The following BRDT variants were observed in gnomAD, a reference collection of about 807,000 sequenced individuals.
The protein encoded by BRDT is bromodomain testis-specific protein.
BRDT carries 77 observed loss-of-function variants against 113.9 expected under a neutral mutation model. That is an observed-to-expected ratio of 0.68 (90% confidence interval 0.56 to 0.82). BRDT has a LOEUF of 0.82. BRDT is among the 40% of genes least tolerant of loss of function. The probability of loss-of-function intolerance (pLI) is 0.00; values close to 1 mark genes in which losing one functional copy is unlikely to be tolerated. For synonymous variants in BRDT, 358 were observed against 366.5 expected (o/e 0.98, Z 0.26); for missense variants, 1,027 against 1,105.4 (o/e 0.93, Z 1.01).
chr1:91,978,615 G>C lies in BRDT; in HGVS notation c.1098+319G>C, dbSNP rs1210759685. On this transcript the variant is annotated intron_variant, in intron 7 of 18. Coordinates refer to ENST00000399546, the MANE Select transcript of BRDT (RefSeq NM_207189.4). ...AGGGGATGTAGATAGATGATATATA[G>C]GGTTGACTAGAGCCCATGTCCCACT... is the stretch of plus-strand genomic sequence containing the variant. Among the ~76,000 whole-genome samples, 6 of 152,232 alleles carry C rather than the reference G, an allele frequency of 3.9e-5. No homozygotes were observed. In the East Asian group the frequency reaches 1.2e-3, roughly 29 times the overall value.
intron 4 of BRDT, among the ~76,000 whole-genome samples, chr1:91,969,712 G>C (rs1683423077): frequency 6.6e-6 from 1 of 151,404 alleles, no homozygotes; most frequent in African/African-American, 2.4e-5. Flanking sequence ...TCTTTTTATT[G>C]ATCTTTTATC....
Position 91,964,752 on chromosome 1 carries a change from T to G in BRDT, c.318T>G (p.Tyr106Ter). ...TCAATACAATGTTCTCAAATTGTTA[T>G]TTATATAACAAGGTATGTAAGCCTT... ...EDFNTMFSNC[Y>*]LYNKPGDDIV... Residue 106 changes from tyrosine (Y) to a stop codon, truncating the protein, a stop_gained, in exon 3 of 19, where the codon TAT (tyrosine) becomes TAG (stop). Coordinates refer to ENST00000399546, the MANE Select transcript of BRDT (RefSeq NM_207189.4). LOFTEE classifies it high-confidence loss of function. 6.7e-7 allele frequency: 1 copy of G among 1,486,368 alleles called. No individual in the cohort carries two copies. The highest frequency in any genetic ancestry group is 9.1e-7 in the Non-Finnish European group (1 of 1,098,410). The allele number at this position is 1,486,368 out of a possible 1,614,324, so 92.1% of individuals were successfully genotyped here. A position where few individuals can be genotyped will look rare whatever the true frequency, so the allele number is the denominator to read the frequency against.
intron 3 of BRDT, among the ~76,000 whole-genome samples, chr1:91,965,785 T>C (rs1226822215): frequency 6.6e-6 from 1 of 151,840 alleles, no homozygotes; most frequent in Non-Finnish European, 1.5e-5. Flanking sequence ...AGGTGGAGGT[T>C]GCAGTGAGCC....
chr1:91,952,537 A>C (rs1241942929), intron 1 of BRDT, among the ~76,000 whole-genome samples: 1 of 126,564 alleles, frequency 7.9e-6, no homozygotes, highest in Non-Finnish European at 1.6e-5. Flanking sequence ...TAAGAAAATG[A>C]TAGGATTAAG....
intron 2 of BRDT, 88 bp from the exon 3 acceptor site, chr1:91,964,539 A>T: frequency 1.3e-6 from 1 of 785,908 alleles, no homozygotes; most frequent in South Asian, 4.3e-5. Flanking sequence ...CTCTAGTTGC[A>T]GGTGTATAGT....
At chr1:91,973,207 A>G (rs1023756043) in intron 4 of BRDT, among the ~76,000 whole-genome samples, 2 of 152,172 alleles carry the variant, frequency 1.3e-5, no homozygotes, top group Non-Finnish European at 2.9e-5. Flanking sequence ...GTTTGAAGTG[A>G]GGTAGTGTGA....
At chr1:91,986,223 T>G (rs1196744385) in intron 12 of BRDT, among the ~76,000 whole-genome samples, 8 of 152,214 alleles carry the variant, frequency 5.3e-5, no homozygotes, top group Admixed American at 3.3e-4. Flanking sequence ...CATAAGCTAT[T>G]GAGAGTTTTC....
At chr1:91,962,681 TA>T in intron 1 of BRDT, 36 bp from the exon 2 acceptor site, 1 of 1,283,828 alleles carries the variant, frequency 7.8e-7, no homozygotes, top group Non-Finnish European at 1.1e-6. Flanking sequence ...AAACCATTCC[TA>T]AAGTGCTTCT....
At chr1:91,968,005 T>A in intron 3 of BRDT, 141 bp from the exon 4 acceptor site, 1 of 740,204 alleles carries the variant, frequency 1.4e-6, no homozygotes, top group Non-Finnish European at 2.0e-6. Context: ...GTGAGCAGCT[T>A]CACTATTTTC....
At chr1:91,951,753 G>A (rs916703806) in intron 1 of BRDT, among the ~76,000 whole-genome samples, 10 of 151,820 alleles carry the variant, frequency 6.6e-5, no homozygotes, top group African/African-American at 1.5e-4. Context: ...CAGCCTGGGC[G>A]ACAGAGTGAG....
intron 18 of BRDT, among the ~76,000 whole-genome samples, chr1:92,008,628 T>C (rs976106883): frequency 2.0e-5 from 3 of 152,186 alleles, no homozygotes; most frequent in African/African-American, 7.2e-5. Context: ...TACGGAATAG[T>C]TTTCCTGCCC....
At chr1:91,956,565 T>A (rs932156421) in intron 1 of BRDT, among the ~76,000 whole-genome samples, 1 of 152,192 alleles carries the variant, frequency 6.6e-6, no homozygotes, top group Non-Finnish European at 1.5e-5. Flanking sequence ...GTAATTTAAA[T>A]TGTTATGGTT....
At chr1:91,997,840 A>G (rs1465505890) in intron 15 of BRDT, among the ~76,000 whole-genome samples, 1 of 152,254 alleles carries the variant, frequency 6.6e-6, no homozygotes, top group East Asian at 1.9e-4. Flanking sequence ...TTGCAAATGT[A>G]TGTGAGCCAT....
chr1:91,994,750 C>A (rs1449580831), intron 15 of BRDT, among the ~76,000 whole-genome samples: 1 of 149,718 alleles, frequency 6.7e-6, no homozygotes, highest in South Asian at 2.1e-4. Context: ...CGCCTGTAGT[C>A]CCAGCTACTT....
At chr1:91,972,901 A>C (rs1300839315) in intron 4 of BRDT, among the ~76,000 whole-genome samples, 1 of 152,216 alleles carries the variant, frequency 6.6e-6, no homozygotes, top group Non-Finnish European at 1.5e-5. Flanking sequence ...TTTTGCAAGA[A>C]TTGAAGAGCC....
At chr1:92,001,226 C>T (rs1044047235) in intron 15 of BRDT, among the ~76,000 whole-genome samples, 10 of 152,162 alleles carry the variant, frequency 6.6e-5, no homozygotes, top group Admixed American at 4.6e-4. Context: ...AGGCTGGGCG[C>T]GTAATACCTG....
At chr1:92,008,380 CTT>C (rs1214321626) in intron 18 of BRDT, among the ~76,000 whole-genome samples, 1 of 151,756 alleles carries the variant, frequency 6.6e-6, no homozygotes, top group African/African-American at 2.4e-5. Context: ...CATTCATAGA[CTT>C]TTATTTTTTA....
rs548963121 is a variant in BRDT, at chr1:91,965,210, G to A, written c.330+446G>A. On this transcript the variant is annotated intron_variant, in intron 3 of 18. Transcript: ENST00000399546. ...ATTATAGGTGTGAGCCACTGTGCCCGGCCAAGATCTTTTACATATTTTTAA... is the reference window on the plus strand; with the variant it reads ...ATTATAGGTGTGAGCCACTGTGCCCAGCCAAGATCTTTTACATATTTTTAA... 1.1e-3 allele frequency among the ~76,000 whole-genome samples: 160 copies of A among 152,010 alleles called. 3 individuals carry two copies. The highest frequency in any genetic ancestry group is 6.8e-3 in the Middle Eastern group (2 of 294).
At chr1:91,976,998 A>T (rs757539477) in intron 5 of BRDT, 45 bp from the exon 6 acceptor site, 3 of 1,433,562 alleles carry the variant, frequency 2.1e-6, no homozygotes, top group Admixed American at 4.7e-5. Flanking sequence ...TATGCTCTGA[A>T]TATCATCTCA....
Sources: allele counts gnomAD v4.1 joint callset (sites outside exome capture counted in the v4.1 genomes callset), GRCh38; gene constraint gnomAD v4.1.1; transcripts MANE v1.5; gene names NCBI Gene and HGNC (gene_info 2026-07-23, HGNC 2026-07-21).